Variants in KIF1A observed in about 807,000 individuals in gnomAD.
KIF1A encodes the protein kinesin-like protein KIF1A.
A neutral mutation model predicts 227.3 loss-of-function variants in KIF1A; 46 were observed. The ratio of observed to expected loss-of-function variants is 0.20; its 90% CI spans 0.16 to 0.26. KIF1A has a LOEUF of 0.26. KIF1A is among the 10% of genes least tolerant of loss of function. KIF1A has a pLI of 1.00. For synonymous variants in KIF1A, 1,022 were observed against 1,012.8 expected, an observed-to-expected ratio of 1.01 and a Z score of -0.17; for missense variants, 1,683 against 2,485.9, an observed-to-expected ratio of 0.68 and a Z score of 6.87.
chr2:240,723,309 G>A, intron 42 of KIF1A, 104 bp downstream of exon 42: 1 of 1,163,268 alleles, frequency 8.6e-7, no homozygotes, highest in Non-Finnish European at 1.2e-6. Flanking sequence ...CAGCTGTGCT[G>A]CCCCCCAGTA....
chr2:240,746,762 G>C (rs1370990283), intron 29 of KIF1A, among the ~76,000 whole-genome samples: 1 of 152,220 alleles, frequency 6.6e-6, no homozygotes, highest in Admixed American at 6.5e-5. Flanking sequence ...AGACTGAGTG[G>C]TCCAGGTGCC....
In KIF1A at chr2:240,797,521, C is replaced by T. The variant is rs956057998; in HGVS notation, c.106+126G>A. The stretch of plus-strand genomic sequence containing the variant: ...ACAGCAGCCCCAGGACACCCACACG[C>T]CACATAGACAAGGAGGTGCTCTTGC... On this transcript the variant is annotated intron_variant, in intron 2 of 48. Transcript: ENST00000498729. 11 of 668,644 alleles carry T rather than the reference C, an allele frequency of 1.6e-5. 1 individual carries two copies. The highest frequency in any genetic ancestry group is 2.9e-5 in the Non-Finnish European group (11 of 373,810). The allele number at this position is 668,644 out of a possible 1,614,324, so 41.4% of individuals were successfully genotyped here. A position where few individuals can be genotyped will look rare whatever the true frequency, so the allele number is the denominator to read the frequency against.
In KIF1A at chr2:240,767,938, C is replaced by A. The variant is rs551885709; in HGVS notation, c.1498-593G>T. Among the ~76,000 whole-genome samples, 10 of 152,338 alleles carry A rather than the reference C, an allele frequency of 6.6e-5. No homozygotes were observed. The East Asian group carries it at 1.2e-3, about 18-fold the overall frequency. On this transcript the variant is annotated intron_variant, in intron 17 of 48. Transcript: ENST00000498729. ...ATGAGCCACCTGAGGCACCCCCATG[C>A]AGAGAGGTGGAGACCTCGTCACTGG...
chr2:240,743,796 C>G, intron 33 of KIF1A, 146 bp downstream of exon 33: 1 of 591,908 alleles, frequency 1.7e-6, no homozygotes, highest in East Asian at 2.8e-5. Flanking sequence ...GTCCTGCCAG[C>G]CCTGGGCAAA....
chr2:240,738,807 G>A (rs942881070), intron 37 of KIF1A, among the ~76,000 whole-genome samples: 3 of 152,216 alleles, frequency 2.0e-5, no homozygotes, highest in South Asian at 4.1e-4. Context: ...CGAAGGATGC[G>A]TCCTTTCAAC....
At chr2:240,795,692 C>G (rs2126135787) in intron 2 of KIF1A, among the ~76,000 whole-genome samples, 1 of 152,332 alleles carries the variant, frequency 6.6e-6, no homozygotes, top group South Asian at 2.1e-4. Context: ...CTACCCAGTG[C>G]CCCTGGAGGC....
intron 1 of KIF1A, among the ~76,000 whole-genome samples, chr2:240,819,793 G>A (rs1334380403): frequency 6.6e-6 from 1 of 152,150 alleles, no homozygotes; most frequent in Non-Finnish European, 1.5e-5. Context: ...CGATCCCGCC[G>A]GCCGGGCGAG....
chr2:240,751,864 C>G (rs1373335915), intron 27 of KIF1A, among the ~76,000 whole-genome samples: 2 of 152,166 alleles, frequency 1.3e-5, no homozygotes, highest in Non-Finnish European at 1.5e-5. Context: ...TCCATCTCAT[C>G]TGCGGCCTCA....
chr2:240,785,575 G>A (rs1426074850), intron 6 of KIF1A, among the ~76,000 whole-genome samples: 1 of 152,194 alleles, frequency 6.6e-6, no homozygotes, highest in Non-Finnish European at 1.5e-5. Context: ...GCTGCTGAGG[G>A]TGGCCTGGAG....
At chr2:240,742,673 C>T (rs1238718871) in intron 34 of KIF1A, among the ~76,000 whole-genome samples, 1 of 152,184 alleles carries the variant, frequency 6.6e-6, no homozygotes, top group African/African-American at 2.4e-5. Context: ...CCTCAAAGCC[C>T]CCGACCCTCT....
In KIF1A at chr2:240,792,151, T is replaced by C. The variant is rs569615845; in HGVS notation, c.107-2839A>G. Among the ~76,000 whole-genome samples, 5 of 151,364 alleles carry C rather than the reference T, an allele frequency of 3.3e-5. No individual in the cohort carries two copies. The South Asian group carries it at 8.4e-4, about 25-fold the overall frequency. On this transcript the variant is annotated intron_variant, in intron 2 of 48. Coordinates refer to ENST00000498729, the MANE Select transcript of KIF1A (RefSeq NM_001244008.2). The surrounding 1 kb of genome is among the most constrained non-coding windows in gnomAD (Gnocchi z 4.5). ...CGCACAGCCAGACTAGAAGCCAGGGTCCCCGCAACACCTCCCAGCCCTGAG... is the reference window on the plus strand; with the variant it reads ...CGCACAGCCAGACTAGAAGCCAGGGCCCCCGCAACACCTCCCAGCCCTGAG...
Position 240,737,873 on chromosome 2 carries a change from C to A in KIF1A, c.3902-705G>T, listed in dbSNP as rs368029007. 7.6e-4 allele frequency among the ~76,000 whole-genome samples: 116 copies of A among 152,362 alleles called. 1 individual carries two copies. Among genetic ancestry groups the A allele is most frequent in the African/African-American group, 2.7e-3 (112 of 41,592 alleles). On this transcript the variant is annotated intron_variant, in intron 37 of 48. Coordinates refer to ENST00000498729, the MANE Select transcript of KIF1A (RefSeq NM_001244008.2). ...TGTTGCGCCAGGAAGGAACGGCAGCCTTCCCTCTCCGCCATGCATGGACAA... is the reference window on the plus strand; with the variant it reads ...TGTTGCGCCAGGAAGGAACGGCAGCATTCCCTCTCCGCCATGCATGGACAA...
In KIF1A at chr2:240,725,283, C is replaced by T. The variant is rs761203966; in HGVS notation, c.4244G>A (p.Arg1415Gln). ...IRNLFGSGSL[R>Q]ASESNRVTGV... is the part of the protein sequence containing the mutation. ...CCTGGGAGCTTACCTCTCTGAGGCC[C>T]GAAGGCTCCCACTGCCAAAGAGGTT... Residue 1415 changes from arginine (R) to glutamine (Q), a missense_variant, in exon 40 of 49, where the codon CGG becomes CAG. Arg to Gln is a conservative substitution (Grantham distance 43). Transcript: ENST00000498729. This position sits in a 1 kb window ranked among gnomAD's most constrained non-coding sequence, Gnocchi z 5.8. 9.4e-6 allele frequency: 15 copies of T among 1,603,652 alleles called. No homozygotes were observed. The highest frequency in any genetic ancestry group is 4.0e-5 in the African/African-American group (3 of 74,732).
Position 240,788,361 on chromosome 2 carries a change from C to G in KIF1A, c.184-131G>C. 1.3e-6 allele frequency: 1 copy of G among 772,424 alleles called. No homozygotes were observed. Among genetic ancestry groups the G allele is most frequent in the Non-Finnish European group, 2.2e-6 (1 of 462,206 alleles). 47.8% of individuals were successfully genotyped at this position (772,424 alleles called of 1,614,324 possible). A position where few individuals can be genotyped will look rare whatever the true frequency, so the allele number is the denominator to read the frequency against. On this transcript the variant is annotated intron_variant, in intron 3 of 48. Coordinates refer to ENST00000498729, the MANE Select transcript of KIF1A (RefSeq NM_001244008.2). This position sits in a 1 kb window ranked among gnomAD's most constrained non-coding sequence, Gnocchi z 6.6. ...GCAGCACAGTGGGGAGGGATGCCTG[C>G]CCCCCATCCTACTCCTGCCTTGTGG... is the stretch of plus-strand genomic sequence containing the variant.
chr2:240,797,711 G>C lies in KIF1A; in HGVS notation c.42C>G (p.Pro14=). ...ASVKVAVRVR[P]FNSREMSRDS... is the part of the protein sequence containing the mutation. ...CACGGCTCATTTCCCGGGAATTGAAGGGGCGGACCCGCACCGCCACCTTCA... is the reference window on the plus strand; with the variant it reads ...CACGGCTCATTTCCCGGGAATTGAACGGGCGGACCCGCACCGCCACCTTCA... Residue 14 remains proline, a synonymous_variant, in exon 2 of 49, where the codon CCC becomes CCG. Coordinates refer to ENST00000498729, the MANE Select transcript of KIF1A (RefSeq NM_001244008.2). The C allele has an allele frequency of 6.2e-7, 1 of 1,612,528 alleles. No homozygotes were observed. The highest frequency in any genetic ancestry group is 8.5e-7 in the Non-Finnish European group (1 of 1,179,732).
At chr2:240,784,853 T>C in intron 7 of KIF1A, 136 bp downstream of exon 7, 1 of 703,244 alleles carries the variant, frequency 1.4e-6, no homozygotes, top group South Asian at 1.7e-5. Flanking sequence ...CCAGTGTAAG[T>C]GTGAGGACAC....
At chr2:240,722,797 C>A in intron 42 of KIF1A, 141 bp from the exon 43 acceptor site, 1 of 662,702 alleles carries the variant, frequency 1.5e-6, no homozygotes. Context: ...AGACTGACAG[C>A]CCTCAGCTGT....
intron 1 of KIF1A, among the ~76,000 whole-genome samples, chr2:240,801,468 A>G (rs57125909): frequency 0.017 from 2,517 of 152,358 alleles, 80 homozygotes; most frequent in African/African-American, 0.056. Flanking sequence ...TAGGAAATAT[A>G]GACATGACAG....
chr2:240,774,814 C>T (rs1016295579), intron 11 of KIF1A, among the ~76,000 whole-genome samples: 1 of 152,150 alleles, frequency 6.6e-6, no homozygotes, highest in African/African-American at 2.4e-5. Context: ...ACTGACTCCA[C>T]GCCAGCCCTC....
Sources: gnomAD v4.1 joint callset for allele counts (sites outside exome capture counted in the v4.1 genomes callset) on GRCh38, gnomAD v4.1.1 for gene constraint, Gnocchi (gnomAD v3.1) non-coding constraint, MANE v1.5 for transcripts, NCBI Gene and HGNC (gene_info 2026-07-23, HGNC 2026-07-21) for gene names.